SUSD4: variants seen among roughly 807,000 people sequenced by gnomAD.
SUSD4 encodes the protein sushi domain containing 4.
SUSD4 carries 41 observed loss-of-function variants against 50.5 expected under a neutral mutation model. The observed-to-expected ratio is 0.81, with a 90% CI of 0.63 to 1.05. The LOEUF is 1.05. SUSD4 is among the 50% of genes least tolerant of loss of function. SUSD4 has a pLI of 0.00. For missense variants in SUSD4, 580 were observed against 634.7 expected (o/e 0.91, Z 0.93); for synonymous variants, 257 against 257.3 (o/e 1.00, Z 0.01).
Position 223,284,964 on chromosome 1 carries a change from G to A in SUSD4, c.361+7475C>T, listed in dbSNP as rs189117409. Among the ~76,000 whole-genome samples, 350 of 152,034 alleles carry A rather than the reference G, an allele frequency of 2.3e-3. 1 individual carries two copies. The highest frequency in any genetic ancestry group is 0.021 in the South Asian group (101 of 4,814). On this transcript the variant is annotated intron_variant, in intron 3 of 8. Transcript: ENST00000366878. ...TTCTATACCTCTGTAAAATAACTAC[G>A]GTCAACAATAATATATTACAGAGTT... is the stretch of plus-strand genomic sequence containing the variant.
chr1:223,327,208 T>C (rs1666926032), intron 2 of SUSD4, among the ~76,000 whole-genome samples: 1 of 152,240 alleles, frequency 6.6e-6, no homozygotes. Context: ...GAGGCCATTA[T>C]TCTAACTGAA....
At chr1:223,320,549 G>A (rs1666514286) in intron 2 of SUSD4, among the ~76,000 whole-genome samples, 1 of 152,152 alleles carries the variant, frequency 6.6e-6, no homozygotes, top group African/African-American at 2.4e-5. Context: ...AGAAGTGGGG[G>A]CAATGGGTTT....
At chr1:223,268,011 T>TATATATA (rs1558196915) in intron 4 of SUSD4, among the ~76,000 whole-genome samples, 3 of 7,668 alleles carry the variant, frequency 3.9e-4, no homozygotes, top group African/African-American at 1.7e-3. Flanking sequence ...TTCATGCATT[T>TATATATA]TTTATATATA....
At chr1:223,274,866 CT>C (rs961379941) in intron 3 of SUSD4, among the ~76,000 whole-genome samples, 7 of 151,724 alleles carry the variant, frequency 4.6e-5, no homozygotes, top group Admixed American at 3.3e-4. Flanking sequence ...TCATAGAGCT[CT>C]TTTTTTTCTG....
At chr1:223,265,597 C>T (rs1662438777) in intron 4 of SUSD4, among the ~76,000 whole-genome samples, 1 of 152,230 alleles carries the variant, frequency 6.6e-6, no homozygotes, top group Non-Finnish European at 1.5e-5. Flanking sequence ...TGTCCTGAGT[C>T]TGTGCATCGA....
intron 2 of SUSD4, among the ~76,000 whole-genome samples, chr1:223,322,044 A>T (rs2103248295): frequency 6.6e-6 from 1 of 152,374 alleles, no homozygotes; most frequent in South Asian, 2.1e-4. Context: ...TCCTTTGAGC[A>T]TCAGGTCAGC....
chr1:223,304,251 CA>C (rs770978461), intron 2 of SUSD4, among the ~76,000 whole-genome samples: 7 of 152,324 alleles, frequency 4.6e-5, no homozygotes, highest in Non-Finnish European at 8.8e-5. Context: ...GGTCCGTTCA[CA>C]GGCTCTCTGC....
Position 223,227,584 on chromosome 1 carries a change from T to A in SUSD4, c.1061+10A>T. 1 of 1,612,414 alleles carries A rather than the reference T, an allele frequency of 6.2e-7. No homozygotes were observed. Among genetic ancestry groups the A allele is most frequent in the South Asian group, 1.1e-5 (1 of 90,928 alleles). On this transcript the variant is annotated intron_variant, in intron 7 of 8. Transcript: ENST00000366878. The surrounding 1 kb of genome is among the most constrained non-coding windows in gnomAD (Gnocchi z 4.5). ...ACCTTGAGCCACAGCTGCCAAGACA[T>A]GACACTGACCTGGGGGGAAAGTGGG...
chr1:223,330,682 A>T (rs1404130314), intron 2 of SUSD4, among the ~76,000 whole-genome samples: 2 of 152,242 alleles, frequency 1.3e-5, no homozygotes, highest in Non-Finnish European at 2.9e-5. Flanking sequence ...ATGTACAGTT[A>T]GCACCCCAGG....
chr1:223,326,176 G>C (rs1443023177), intron 2 of SUSD4, among the ~76,000 whole-genome samples: 7 of 152,160 alleles, frequency 4.6e-5, no homozygotes, highest in Admixed American at 6.5e-5. Flanking sequence ...GAACAGAATA[G>C]AGAAACCAGA....
At chr1:223,338,433 G>C (rs1667573858) in intron 2 of SUSD4, among the ~76,000 whole-genome samples, 1 of 152,178 alleles carries the variant, frequency 6.6e-6, no homozygotes, top group Admixed American at 6.5e-5. Context: ...GAGAGGCAGG[G>C]TGCGTGTCAC....
At chr1:223,330,796 G>A (rs1223042688) in intron 2 of SUSD4, among the ~76,000 whole-genome samples, 4 of 152,316 alleles carry the variant, frequency 2.6e-5, no homozygotes, top group South Asian at 4.2e-4. Flanking sequence ...ATTCACCATA[G>A]CTGGTGGGTT....
intron 5 of SUSD4, among the ~76,000 whole-genome samples, chr1:223,236,741 G>A (rs1660250790): frequency 6.6e-6 from 1 of 151,976 alleles, no homozygotes; most frequent in Admixed American, 6.6e-5. Flanking sequence ...ATACCATGCT[G>A]TCTTGATTAC....
intron 3 of SUSD4, among the ~76,000 whole-genome samples, chr1:223,269,083 T>A (rs1662729955): frequency 6.6e-6 from 1 of 152,238 alleles, no homozygotes; most frequent in Non-Finnish European, 1.5e-5. Context: ...GATGGGCTAG[T>A]CTCACAGCTG....
chr1:223,355,826 T>C (rs956504749), intron 2 of SUSD4, among the ~76,000 whole-genome samples: 9 of 152,186 alleles, frequency 5.9e-5, no homozygotes, highest in Non-Finnish European at 1.2e-4. Context: ...GGGATGATAA[T>C]GAAATGATCA....
intron 3 of SUSD4, among the ~76,000 whole-genome samples, chr1:223,284,711 G>A (rs566899678): frequency 2.1e-4 from 32 of 152,244 alleles, no homozygotes; most frequent in African/African-American, 6.5e-4. Context: ...TGATGGCAAC[G>A]TGGATGGAAC....
intron 5 of SUSD4, among the ~76,000 whole-genome samples, chr1:223,262,908 C>A (rs1662223015): frequency 6.6e-6 from 1 of 152,192 alleles, no homozygotes; most frequent in Non-Finnish European, 1.5e-5. Flanking sequence ...GGAAAGGGGA[C>A]ATGTTAGGCC....
chr1:223,343,761 G>C (rs1032012627), intron 2 of SUSD4, among the ~76,000 whole-genome samples: 3 of 152,148 alleles, frequency 2.0e-5, no homozygotes, highest in African/African-American at 7.2e-5. Flanking sequence ...CTTTTAATAA[G>C]GGAAAAAGCT....
At chr1:223,232,465 T>G (rs889257476) in intron 5 of SUSD4, among the ~76,000 whole-genome samples, 4 of 152,208 alleles carry the variant, frequency 2.6e-5, no homozygotes, top group African/African-American at 7.2e-5. Context: ...CCTCAAAGGC[T>G]CTCTAAACAA....
Sources: allele counts gnomAD v4.1 joint callset (sites outside exome capture counted in the v4.1 genomes callset), GRCh38; gene constraint gnomAD v4.1.1; non-coding constraint Gnocchi (gnomAD v3.1); transcripts MANE v1.5; gene names NCBI Gene and HGNC (gene_info 2026-07-23, HGNC 2026-07-21).